QTMAN: variants seen among roughly 807,000 people sequenced by gnomAD.
QTMAN encodes tRNA-queuosine alpha-mannosyltransferase.
the QTMAN span, among the ~76,000 whole-genome samples, chr2:144,086,875 C>T: frequency 6.6e-6 from 1 of 152,016 alleles, no homozygotes; most frequent in African/African-American, 2.4e-5. Context: ...TTTTATCTAC[C>T]CAGACACTAT....
At chr2:144,141,778 A>G in the QTMAN span, 1 of 798,742 alleles carries the variant, frequency 1.3e-6, no homozygotes, top group Non-Finnish European at 2.0e-6. Flanking sequence ...CTAACTAACC[A>G]TACTTATGCT....
At chr2:144,227,182 GT>G in the QTMAN span, among the ~76,000 whole-genome samples, 3 of 152,064 alleles carry the variant, frequency 2.0e-5, no homozygotes, top group Non-Finnish European at 2.9e-5. Context: ...CAAATGACCT[GT>G]TTGCCTTTTG....
the QTMAN span, among the ~76,000 whole-genome samples, chr2:144,190,104 AT>A: frequency 1.3e-5 from 2 of 152,194 alleles, no homozygotes; most frequent in African/African-American, 4.8e-5. Context: ...TTGGTATTCA[AT>A]ATAATATATA....
chr2:144,243,618 C>T, the QTMAN span, among the ~76,000 whole-genome samples: 1 of 152,180 alleles, frequency 6.6e-6, no homozygotes, highest in Admixed American at 6.5e-5. Context: ...AAAATACTAG[C>T]TTTTATCCCT....
At chr2:143,971,929 A>G in the QTMAN span, among the ~76,000 whole-genome samples, 1 of 152,310 alleles carries the variant, frequency 6.6e-6, no homozygotes, top group African/African-American at 2.4e-5. Context: ...GAATTAAAAC[A>G]AATGTATCTT....
the QTMAN span, among the ~76,000 whole-genome samples, chr2:144,243,816 G>T: frequency 6.6e-6 from 1 of 152,136 alleles, no homozygotes; most frequent in Non-Finnish European, 1.5e-5. Flanking sequence ...AATGTGGCAG[G>T]ACTAAAAGAT....
chr2:144,261,791 C>T, the QTMAN span, among the ~76,000 whole-genome samples: 6 of 152,152 alleles, frequency 3.9e-5, no homozygotes, highest in African/African-American at 1.4e-4. Context: ...TATATCTTGC[C>T]ATTTTTGAAA....
the QTMAN span, chr2:144,332,651 C>T: frequency 6.6e-6 from 1 of 151,588 alleles, no homozygotes; most frequent in Non-Finnish European, 1.5e-5. Flanking sequence ...GCCGCCCGGA[C>T]TCCGCTGGCG....
chr2:143,968,778 T>C, the QTMAN span, among the ~76,000 whole-genome samples: 1 of 152,170 alleles, frequency 6.6e-6, no homozygotes, highest in Non-Finnish European at 1.5e-5. Flanking sequence ...CACCCATCTA[T>C]CAAATTCTCT....
chr2:144,308,128 A>C, the QTMAN span, among the ~76,000 whole-genome samples: 1 of 150,600 alleles, frequency 6.6e-6, no homozygotes, highest in East Asian at 1.9e-4. Context: ...ATATAACAGC[A>C]CCCAGGAAAA....
the QTMAN span, among the ~76,000 whole-genome samples, chr2:143,979,935 C>T: frequency 1.3e-5 from 2 of 152,160 alleles, no homozygotes; most frequent in East Asian, 1.9e-4. Flanking sequence ...AATCTCTTAG[C>T]GAGGCCTCTT....
the QTMAN span, among the ~76,000 whole-genome samples, chr2:144,232,933 T>C: frequency 2.0e-5 from 3 of 152,188 alleles, no homozygotes; most frequent in Non-Finnish European, 4.4e-5. Context: ...TTAAAAACAC[T>C]TCTGTGTTTT....
chr2:144,304,222 T>C, the QTMAN span, among the ~76,000 whole-genome samples: 1 of 152,180 alleles, frequency 6.6e-6, no homozygotes, highest in Admixed American at 6.5e-5. Flanking sequence ...AATCACACCT[T>C]AGAAATAAGA....
the QTMAN span, among the ~76,000 whole-genome samples, chr2:144,309,642 A>C: frequency 6.6e-6 from 1 of 152,214 alleles, no homozygotes; most frequent in East Asian, 1.9e-4. Flanking sequence ...GAAACTTTTG[A>C]AGTGATGGAG....
At chr2:144,104,959 T>C in the QTMAN span, among the ~76,000 whole-genome samples, 2 of 152,340 alleles carry the variant, frequency 1.3e-5, no homozygotes, top group African/African-American at 4.8e-5. Flanking sequence ...CAATATTCGC[T>C]GCTCTGCAGC....
chr2:144,101,464 G>A, the QTMAN span, among the ~76,000 whole-genome samples: 15 of 151,990 alleles, frequency 9.9e-5, no homozygotes, highest in African/African-American at 3.1e-4. Flanking sequence ...GCCTTATAGT[G>A]AAATGATATG....
At chr2:144,224,027 T>C in the QTMAN span, among the ~76,000 whole-genome samples, 7 of 152,342 alleles carry the variant, frequency 4.6e-5, no homozygotes, top group East Asian at 1.3e-3. Context: ...AAATATTCTA[T>C]TTTCACAAAT....
the QTMAN span, among the ~76,000 whole-genome samples, chr2:144,260,321 A>G: frequency 6.6e-6 from 1 of 152,020 alleles, no homozygotes; most frequent in African/African-American, 2.4e-5. Flanking sequence ...CTCTATAAAT[A>G]TATGTATGTG....
At chr2:144,237,788 G>A in the QTMAN span, among the ~76,000 whole-genome samples, 1 of 152,098 alleles carries the variant, frequency 6.6e-6, no homozygotes, top group Admixed American at 6.5e-5. Context: ...TCAACAGAAT[G>A]CAGTGAAAGT....
Sources: gnomAD v4.1 joint callset for allele counts (sites outside exome capture counted in the v4.1 genomes callset) on GRCh38, gnomAD v4.1.1 for gene constraint, MANE v1.5 for transcripts, NCBI Gene and HGNC (gene_info 2026-07-23, HGNC 2026-07-21) for gene names.